ARMC8: variants seen among roughly 807,000 people sequenced by gnomAD.
ARMC8 encodes armadillo repeat-containing protein 8.
Under a neutral mutation model 99.3 loss-of-function variants are expected in ARMC8, and 20 were observed. The ratio of observed to expected loss-of-function variants is 0.20; its 90% confidence interval spans 0.14 to 0.29. ARMC8 has a LOEUF of 0.29. Ranked by LOEUF, ARMC8 falls within the 10% of genes least tolerant of loss-of-function variation. ARMC8 has a pLI of 1.00. For synonymous variants in ARMC8, 263 were observed against 278.3 expected (o/e 0.95, Z 0.55); for missense variants, 569 against 809.5 (o/e 0.70, Z 3.60).
chr3:138,194,776 T>G (rs2043617713), intron 1 of ARMC8, among the ~76,000 whole-genome samples: 1 of 152,174 alleles, frequency 6.6e-6, no homozygotes, highest in African/African-American at 2.4e-5. Flanking sequence ...TAATGATTTA[T>G]TCTCTTACAT....
intron 18 of ARMC8, among the ~76,000 whole-genome samples, chr3:138,281,231 T>C (rs2049885254): frequency 6.6e-6 from 1 of 152,048 alleles, no homozygotes; most frequent in South Asian, 2.1e-4. Context: ...TGTGTGTGTG[T>C]GTGTAGTTTT....
intron 1 of ARMC8, among the ~76,000 whole-genome samples, chr3:138,202,520 T>C (rs573849709): frequency 6.6e-6 from 1 of 152,314 alleles, no homozygotes; most frequent in African/African-American, 2.4e-5. Flanking sequence ...AGAATTACTC[T>C]GAAAATCGGT....
chr3:138,218,037 ATATT>A (rs1414968994), intron 2 of ARMC8, among the ~76,000 whole-genome samples: 1 of 152,200 alleles, frequency 6.6e-6, no homozygotes, highest in Admixed American at 6.5e-5. Flanking sequence ...CCTTCAACAA[ATATT>A]TATTGAGTGC....
chr3:138,187,430 G>C lies in ARMC8; in HGVS notation c.-125G>C. 1.1e-6 allele frequency: 1 copy of C among 931,812 alleles called. No homozygotes were observed. Among genetic ancestry groups the C allele is most frequent in the Non-Finnish European group, 1.6e-6 (1 of 611,390 alleles). 57.7% of individuals were successfully genotyped at this position (931,812 alleles called of 1,614,324 possible). On this transcript the variant is annotated 5_prime_UTR_variant, in exon 1 of 22. Transcript: ENST00000469044. The stretch of plus-strand genomic sequence containing the variant: ...TTCCGGTACTTGAGCGGTGTCCAGA[G>C]CGTGGCCAGTTCTCGTCTATCTGGC...
intron 1 of ARMC8, among the ~76,000 whole-genome samples, chr3:138,199,174 C>A (rs886523342): frequency 2.0e-5 from 3 of 151,716 alleles, no homozygotes; most frequent in Admixed American, 6.6e-5. Context: ...ACTTGACGTA[C>A]CAAAAAGTGA....
At position 138,296,263 on chromosome 3, in the gene ARMC8, C is replaced by T. The variant is rs1226909462; in HGVS notation, c.*371C>T. The T allele has an allele frequency of 1.2e-5, 2 of 172,186 alleles. No homozygotes were observed. The highest frequency in any genetic ancestry group is 6.3e-5 in the Admixed American group (1 of 15,834). The allele number at this position is 172,186 out of a possible 1,614,324, so 10.7% of individuals were successfully genotyped here. A position where few individuals can be genotyped will look rare whatever the true frequency, so the allele number is the denominator to read the frequency against. On this transcript the variant is annotated 3_prime_UTR_variant, in exon 22 of 22. Coordinates refer to ENST00000469044, the MANE Select transcript of ARMC8 (RefSeq NM_001363941.2). ...GCGTGTGTATGTGCACGTACATGGG[C>T]CAGAATGAATGGATGTGTGTGTGTG...
chr3:138,254,496 G>A (rs2047284998), intron 12 of ARMC8, among the ~76,000 whole-genome samples: 1 of 152,160 alleles, frequency 6.6e-6, no homozygotes, highest in Admixed American at 6.5e-5. Context: ...GCCCAGGATG[G>A]CAAACAGGAG....
At chr3:138,245,743 G>GTAT in intron 12 of ARMC8, 1 of 989,340 alleles carries the variant, frequency 1.0e-6, no homozygotes, top group Non-Finnish European at 1.2e-6. Context: ...GTATGCACTG[G>GTAT]TATAGCACCC....
chr3:138,278,168 C>A (rs1187433046), intron 18 of ARMC8, among the ~76,000 whole-genome samples: 3 of 152,152 alleles, frequency 2.0e-5, no homozygotes, highest in African/African-American at 7.2e-5. Context: ...AGTGATAGAA[C>A]TGCTCTGTAA....
At chr3:138,257,819 T>C (rs926583798) in intron 12 of ARMC8, among the ~76,000 whole-genome samples, 1 of 152,210 alleles carries the variant, frequency 6.6e-6, no homozygotes, top group Admixed American at 6.5e-5. Flanking sequence ...GTCTCTGTTA[T>C]ACGTCCTTTT....
chr3:138,198,607 G>A (rs77090536), intron 1 of ARMC8, among the ~76,000 whole-genome samples: 47,333 of 151,694 alleles, frequency 0.31, 9,042 homozygotes, highest in East Asian at 0.7. Flanking sequence ...CCGCCTCCCG[G>A]GTTCAAGTGA....
At chr3:138,259,706 T>C (rs777602092) in intron 12 of ARMC8, among the ~76,000 whole-genome samples, 7 of 152,214 alleles carry the variant, frequency 4.6e-5, no homozygotes, top group Non-Finnish European at 8.8e-5. Flanking sequence ...CCAGATAGTT[T>C]TATGTCCTGA....
Position 138,201,436 on chromosome 3 carries a change from CTTTTTTTTTTTTTTTTTTTTTTTTTTT to C in ARMC8, c.46-8366_46-8340del, listed in dbSNP as rs58707271. ...TAGAGTCCTTGTCTTCTTCCCCTCC[CTTTTTTTTTTTTTTTTTTTTTTTTTTT>C]TTTTTTTTTTTTTTCCTGAGACAGA... On this transcript the variant is annotated intron_variant, in intron 1 of 21. Coordinates refer to ENST00000469044, the MANE Select transcript of ARMC8 (RefSeq NM_001363941.2). 1.3e-3 allele frequency among the ~76,000 whole-genome samples: 85 copies of C among 64,996 alleles called. 1 individual carries two copies. Among genetic ancestry groups the C allele is most frequent in the African/African-American group, 2.7e-3 (61 of 22,908 alleles). 42.6% of individuals were successfully genotyped at this position (64,996 alleles called of 152,430 possible).
At chr3:138,235,146 A>T (rs1193026905) in intron 7 of ARMC8, 32 bp downstream of exon 7, 5 of 1,464,614 alleles carry the variant, frequency 3.4e-6, no homozygotes, top group Non-Finnish European at 4.8e-6. Context: ...CCAGATTTGT[A>T]TACCTTGTTT....
At position 138,246,008 on chromosome 3, in the gene ARMC8, G is replaced by A. The variant is rs570474653; in HGVS notation, c.1134+825G>A. ...AAATTAGTCATTATTTACTGAACAT[G>A]ATGATTTACTAAATCTCTCCATCTG... On this transcript the variant is annotated intron_variant, in intron 12 of 21. Transcript: ENST00000469044. 9 of 985,216 alleles carry A rather than the reference G, an allele frequency of 9.1e-6. No homozygotes were observed. In the African/African-American group the frequency reaches 1.4e-4, roughly 15 times the overall value. The allele number at this position is 985,216 out of a possible 1,614,324, so 61.0% of individuals were successfully genotyped here.
At chr3:138,201,592 G>C (rs555481056) in intron 1 of ARMC8, among the ~76,000 whole-genome samples, 32 of 151,156 alleles carry the variant, frequency 2.1e-4, no homozygotes, top group African/African-American at 7.3e-4. Context: ...CGCCCAAGTA[G>C]GTAGCATTAC....
intron 1 of ARMC8, among the ~76,000 whole-genome samples, chr3:138,194,697 T>C (rs1438190597): frequency 6.6e-6 from 1 of 152,078 alleles, no homozygotes; most frequent in Non-Finnish European, 1.5e-5. Flanking sequence ...ATTCCAAATC[T>C]GGATATTCCT....
intron 12 of ARMC8, among the ~76,000 whole-genome samples, chr3:138,255,517 A>G (rs922774004): frequency 6.6e-6 from 1 of 151,690 alleles, no homozygotes. Flanking sequence ...TTTTCTGTTG[A>G]CTCAAGATCA....
At chr3:138,271,190 T>C in intron 16 of ARMC8, among the ~76,000 whole-genome samples, 1 of 152,198 alleles carries the variant, frequency 6.6e-6, no homozygotes, top group East Asian at 1.9e-4. Context: ...TCACAGATAT[T>C]TTTCTCCTGA....
Sources: gnomAD v4.1 joint callset for allele counts (sites outside exome capture counted in the v4.1 genomes callset) on GRCh38, gnomAD v4.1.1 for gene constraint, MANE v1.5 for transcripts, NCBI Gene and HGNC (gene_info 2026-07-23, HGNC 2026-07-21) for gene names.